Variants in SLIT3 observed in about 807,000 individuals in gnomAD.
The protein encoded by SLIT3 is slit homolog 3 protein.
In SLIT3, 68 loss-of-function variants were observed where a neutral mutation model predicts 184.0. The observed-to-expected ratio is 0.37, with a 90% confidence interval of 0.30 to 0.45. The LOEUF (loss-of-function observed/expected upper bound fraction) is 0.45, where lower values mean the gene tolerates loss of function less well. Ranked by LOEUF, SLIT3 falls within the 20% of genes least tolerant of loss-of-function variation. SLIT3 has a pLI of 1.00. For synonymous variants in SLIT3, 831 were observed against 828.6 expected (o/e 1.00, Z -0.05); for missense variants, 1,707 against 2,026.0 (o/e 0.84, Z 3.02).
intron 4 of SLIT3, among the ~76,000 whole-genome samples, chr5:168,966,128 G>A (rs1763182984): frequency 6.6e-6 from 1 of 152,160 alleles, no homozygotes; most frequent in Non-Finnish European, 1.5e-5. Flanking sequence ...CAAGAGTTTT[G>A]TGCCAGATGT....
chr5:169,279,077 G>A (rs557142000), intron 1 of SLIT3, among the ~76,000 whole-genome samples: 24 of 152,282 alleles, frequency 1.6e-4, no homozygotes, highest in East Asian at 9.7e-4. Context: ...TAGGGAAGAC[G>A]GCAGCATTCA....
chr5:169,144,895 A>G (rs1761877042), intron 4 of SLIT3, among the ~76,000 whole-genome samples: 1 of 152,032 alleles, frequency 6.6e-6, no homozygotes, highest in Non-Finnish European at 1.5e-5. Flanking sequence ...GCCTGGGACG[A>G]TGCATGCTCC....
rs1025106974 is a variant in SLIT3 at position 169,136,884 on chromosome 5, T to C, written c.413+56595A>G. Among the ~76,000 whole-genome samples the C allele has an allele frequency of 2.6e-5, 4 of 152,150 alleles. No homozygotes were observed. In the South Asian group the frequency reaches 6.2e-4, roughly 24 times the overall value. ...TCCTAGCCACCCTATGTGTTTCTTT[T>C]ATATGTTAATTTTTAAAAATAGAGA... On this transcript the variant is annotated intron_variant, in intron 4 of 35. Coordinates refer to ENST00000519560, the MANE Select transcript of SLIT3 (RefSeq NM_003062.4).
chr5:168,753,175 T>C, intron 17 of SLIT3, 77 bp from the exon 18 acceptor site: 3 of 1,508,208 alleles, frequency 2.0e-6, no homozygotes, highest in African/African-American at 2.7e-5. Flanking sequence ...GTGGTGTGTG[T>C]GTGTGTATAG....
At position 168,678,657 on chromosome 5, in the gene SLIT3, C is replaced by T. The variant is rs1271708340; in HGVS notation, c.3686+5309G>A. 7.3e-5 allele frequency among the ~76,000 whole-genome samples: 11 copies of T among 151,648 alleles called. 1 individual carries two copies. The highest frequency in any genetic ancestry group is 2.6e-4 in the Admixed American group (4 of 15,216). On this transcript the variant is annotated intron_variant, in intron 32 of 35. Transcript: ENST00000519560. ...AAGATCGCGCTACTGCACTCCAGCC[C>T]GGGTGACAGAGTGAGACTCTGTCTC...
At chr5:168,899,342 C>T (rs1215981416) in intron 4 of SLIT3, among the ~76,000 whole-genome samples, 2 of 152,086 alleles carry the variant, frequency 1.3e-5, no homozygotes, top group African/African-American at 4.8e-5. Context: ...ACAGGGAAAT[C>T]CCATCACTAC....
rs918214874 is a variant in SLIT3, at chr5:168,748,430, G to C, written c.2142C>G (p.Asn714Lys). ...GGCTCAGCTGGCAGCTACTCTCCTC[G>C]TTGCCTGTGGAGAGCCCCAGAGAGG... is the stretch of plus-strand genomic sequence containing the variant. The part of the protein sequence containing the change: ...VAIQDFTCDG[N>K]EESSCQLSPR... Residue 714 changes from asparagine (N) to lysine (K), a missense_variant, in exon 20 of 36, where the codon AAC (asparagine) becomes AAG (lysine). By Grantham distance (94) the Asn-to-Lys change is moderately conservative. Around this residue, in one of 3 missense-constraint regions of SLIT3, gnomAD observed 1,307 missense variants for 1,511.6 expected, o/e 0.86. Coordinates refer to ENST00000519560, the MANE Select transcript of SLIT3 (RefSeq NM_003062.4). 2.0e-6 allele frequency: 3 copies of C among 1,523,526 alleles called. No homozygotes were observed. Among genetic ancestry groups the C allele is most frequent in the Non-Finnish European group, 2.6e-6 (3 of 1,148,062 alleles). 94.4% of individuals were successfully genotyped at this position (1,523,526 alleles called of 1,614,324 possible).
chr5:169,040,139 C>A (rs1345736652), intron 4 of SLIT3, among the ~76,000 whole-genome samples: 1 of 152,192 alleles, frequency 6.6e-6, no homozygotes, highest in Admixed American at 6.5e-5. Flanking sequence ...TCGACCACAT[C>A]CAGGGTTTCA....
intron 29 of SLIT3, among the ~76,000 whole-genome samples, chr5:168,689,093 A>G (rs755181680): frequency 4.6e-5 from 7 of 152,174 alleles, no homozygotes; most frequent in Non-Finnish European, 8.8e-5. Flanking sequence ...TCAAACTTTA[A>G]TGAGCATACA....
chr5:169,300,567 T>G lies in SLIT3; in HGVS notation c.143A>C (p.His48Pro). 6.6e-7 allele frequency: 1 copy of G among 1,511,302 alleles called. No individual in the cohort carries two copies. The highest frequency in any genetic ancestry group is 1.2e-5 in the South Asian group (1 of 81,362). 93.6% of individuals were successfully genotyped at this position (1,511,302 alleles called of 1,614,324 possible). A position where few individuals can be genotyped will look rare whatever the true frequency, so the allele number is the denominator to read the frequency against. The stretch of plus-strand genomic sequence containing the variant: ...AGGAACCGCGCGGAGGCCCAGCCCG[T>G]GGCAGTCCACGCTGGCAGCGGAGCA... ...CTCSAASVDC[H>P]GLGLRAVPRG... Residue 48 changes from histidine (H) to proline (P), a missense_variant, in exon 1 of 36, where the codon CAC (histidine) becomes CCC (proline). This residue lies in a region of SLIT3 where 1,307 missense variants were observed against 1,511.6 expected (regional missense o/e 0.86). Transcript: ENST00000519560. The surrounding 1 kb of genome is among the most constrained non-coding windows in gnomAD (Gnocchi z 4.1).
chr5:169,061,954 C>T (rs1407782855), intron 4 of SLIT3, among the ~76,000 whole-genome samples: 4 of 152,228 alleles, frequency 2.6e-5, no homozygotes, highest in Non-Finnish European at 4.4e-5. Flanking sequence ...AGAATTTACG[C>T]CACCCCAATC....
intron 6 of SLIT3, among the ~76,000 whole-genome samples, chr5:168,826,190 T>C (rs1019659934): frequency 6.6e-6 from 1 of 152,212 alleles, no homozygotes; most frequent in Admixed American, 6.5e-5. Flanking sequence ...TATTTAAATG[T>C]GAGTCGTAAT....
intron 5 of SLIT3, among the ~76,000 whole-genome samples, chr5:168,861,854 T>G (rs1388531376): frequency 6.6e-6 from 1 of 152,194 alleles, no homozygotes; most frequent in Non-Finnish European, 1.5e-5. Flanking sequence ...AGTTAAACTG[T>G]TCAACTTCTG....
intron 6 of SLIT3, among the ~76,000 whole-genome samples, chr5:168,843,510 C>G (rs758873804): frequency 2.6e-5 from 4 of 152,112 alleles, no homozygotes; most frequent in South Asian, 2.1e-4. Context: ...TTTTTAGAAC[C>G]AAGCAGCTAC....
intron 4 of SLIT3, among the ~76,000 whole-genome samples, chr5:168,996,094 C>T (rs1343148965): frequency 4.6e-5 from 7 of 152,188 alleles, no homozygotes; most frequent in African/African-American, 1.4e-4. Context: ...GCAGGAGCTC[C>T]ACAAAGCTCA....
At chr5:169,141,522 G>A (rs1187193738) in intron 4 of SLIT3, among the ~76,000 whole-genome samples, 2 of 151,476 alleles carry the variant, frequency 1.3e-5, no homozygotes, top group East Asian at 1.9e-4. Flanking sequence ...GGCAGATCAC[G>A]AGTTCAGGAG....
chr5:168,694,267 T>C (rs1198371965), intron 28 of SLIT3, among the ~76,000 whole-genome samples: 1 of 152,136 alleles, frequency 6.6e-6, no homozygotes, highest in Non-Finnish European at 1.5e-5. Flanking sequence ...ACAAAGCCTT[T>C]GTTAGAGCCC....
chr5:169,140,308 C>CAAAAAAAAAAAA (rs10536624), intron 4 of SLIT3, among the ~76,000 whole-genome samples: 1 of 42,048 alleles, frequency 2.4e-5, no homozygotes, highest in Non-Finnish European at 4.5e-5. Context: ...ACTAAAAATG[C>CAAAAAAAAAAAA]AAAAAAAAAA....
At chr5:169,213,783 T>C (rs1764347990) in intron 3 of SLIT3, among the ~76,000 whole-genome samples, 1 of 152,326 alleles carries the variant, frequency 6.6e-6, no homozygotes, top group South Asian at 2.1e-4. Context: ...TCCCCAGAAC[T>C]AAGAACAGTG....
Sources: gnomAD v4.1 joint callset for allele counts (sites outside exome capture counted in the v4.1 genomes callset) on GRCh38, gnomAD v4.1.1 for gene constraint, gnomAD v4.1.1 regional missense constraint, Gnocchi (gnomAD v3.1) non-coding constraint, MANE v1.5 for transcripts, NCBI Gene and HGNC (gene_info 2026-07-23, HGNC 2026-07-21) for gene names.